DNAH9: variants seen among roughly 807,000 people sequenced by gnomAD.
DNAH9 encodes the protein DNAH9 variant protein.
A neutral mutation model predicts 471.6 loss-of-function variants in DNAH9; 345 were observed. That is an observed-to-expected ratio of 0.73 (90% CI 0.67 to 0.80). The LOEUF (loss-of-function observed/expected upper bound fraction) is 0.80. DNAH9 is among the 30% of genes least tolerant of loss of function. The probability of loss-of-function intolerance (pLI) is 0.00; values close to 1 mark genes in which losing one functional copy is unlikely to be tolerated. For missense variants in DNAH9, 5,407 were observed against 5,609.2 expected (o/e 0.96, Z 1.15); for synonymous variants, 2,093 against 2,123.6 (o/e 0.99, Z 0.40).
At chr17:11,954,848 C>T (rs907697047) in intron 67 of DNAH9, among the ~76,000 whole-genome samples, 2 of 148,174 alleles carry the variant, frequency 1.3e-5, no homozygotes, top group Admixed American at 1.3e-4. Flanking sequence ...TGGATCTAAA[C>T]AAAGAAATAA....
At chr17:11,818,853 A>G (rs1053067133) in intron 45 of DNAH9, among the ~76,000 whole-genome samples, 11 of 151,522 alleles carry the variant, frequency 7.3e-5, no homozygotes, top group African/African-American at 2.7e-4. Flanking sequence ...CCTCACAGCT[A>G]CTTTATACAT....
intron 35 of DNAH9, among the ~76,000 whole-genome samples, chr17:11,762,758 GTTTTTTTTTTTGTTT>G (rs1967736034): frequency 5.3e-5 from 5 of 94,790 alleles, no homozygotes; most frequent in African/African-American, 7.5e-5. Flanking sequence ...CTTTAGGTGC[GTTTTTTTTTTTGTTT>G]TTTTTTTTTT....
chr17:11,886,661 G>A (rs1028236256), intron 56 of DNAH9, among the ~76,000 whole-genome samples, 164 bp from the exon 57 acceptor site: 10 of 151,962 alleles, frequency 6.6e-5, no homozygotes, highest in African/African-American at 2.2e-4. Flanking sequence ...CCAAGTTCTA[G>A]GAAGGAATAC....
chr17:11,894,282 G>T, intron 58 of DNAH9, 92 bp from the exon 59 acceptor site: 1 of 1,511,800 alleles, frequency 6.6e-7, no homozygotes, highest in South Asian at 1.2e-5. Context: ...AGTATTAGAG[G>T]CAGTAATAAT....
intron 14 of DNAH9, among the ~76,000 whole-genome samples, chr17:11,654,383 A>C (rs2150706394): frequency 6.8e-6 from 1 of 146,912 alleles, no homozygotes; most frequent in Non-Finnish European, 1.5e-5. Flanking sequence ...AAAAAAGTTT[A>C]AAATCGATCT....
intron 45 of DNAH9, among the ~76,000 whole-genome samples, chr17:11,817,150 C>T (rs1336165894): frequency 6.6e-6 from 1 of 152,194 alleles, no homozygotes; most frequent in Non-Finnish European, 1.5e-5. Flanking sequence ...GTTCACATCA[C>T]AAAATCCCCT....
rs180873129 is a variant in DNAH9 at position 11,759,252 on chromosome 17, G to A, written c.6995+1560G>A. Among the ~76,000 whole-genome samples, 235 of 152,106 alleles carry A rather than the reference G, an allele frequency of 1.5e-3. 1 individual carries two copies. The highest frequency in any genetic ancestry group is 5.3e-3 in the African/African-American group (221 of 41,486). ...ATAGCATACATTGTATCCAATGGGG[G>A]TATTTCAACCCTCAACCCCCTGCCA... On this transcript the variant is annotated intron_variant, in intron 35 of 68. Transcript: ENST00000262442.
chr17:11,921,859 C>T (rs2151027744), intron 61 of DNAH9, among the ~76,000 whole-genome samples: 1 of 152,308 alleles, frequency 6.6e-6, no homozygotes, highest in East Asian at 1.9e-4. Flanking sequence ...GTGATGATCC[C>T]TCCAGTCTGG....
intron 24 of DNAH9, among the ~76,000 whole-genome samples, chr17:11,702,665 G>C (rs1341130367): frequency 6.6e-6 from 1 of 152,184 alleles, no homozygotes; most frequent in African/African-American, 2.4e-5. Context: ...GGTAGGAAAT[G>C]TCAAACACTT....
At chr17:11,833,428 G>A (rs1292639817) in intron 48 of DNAH9, among the ~76,000 whole-genome samples, 2 of 152,198 alleles carry the variant, frequency 1.3e-5, no homozygotes, top group African/African-American at 4.8e-5. Flanking sequence ...TCAAAGGCAG[G>A]CAGAAAAGTG....
intron 48 of DNAH9, among the ~76,000 whole-genome samples, chr17:11,833,612 G>C (rs571227480): frequency 2.0e-5 from 3 of 152,124 alleles, no homozygotes; most frequent in Non-Finnish European, 1.5e-5. Context: ...TGTTAATCAA[G>C]TCCTGGCCAT....
In DNAH9 at chr17:11,680,543, C is replaced by T. The variant is rs571660705; in HGVS notation, c.3577-180C>T. ...GGTAGGTAATAGTTGAGAGCAGCTG[C>T]GGAAGGAAGTCGAGGAAGAGTGGGT... On this transcript the variant is annotated intron_variant, in intron 18 of 68. Transcript: ENST00000262442. Among the ~76,000 whole-genome samples the T allele has an allele frequency of 7.9e-5, 12 of 152,094 alleles. No homozygotes were observed. In the East Asian group the frequency reaches 9.7e-4, roughly 12 times the overall value.
chr17:11,602,857 C>T (rs1249338424), intron 1 of DNAH9, among the ~76,000 whole-genome samples: 6 of 152,184 alleles, frequency 3.9e-5, no homozygotes, highest in Non-Finnish European at 8.8e-5. Flanking sequence ...CCACTACTCC[C>T]ATCTTTCCAG....
Position 11,694,699 on chromosome 17 carries a change from TTTCTCTCTCTCTCTCTCTCTC to T in DNAH9, c.4872+254_4872+274del, listed in dbSNP as rs2074410962. On this transcript the variant is annotated intron_variant, in intron 22 of 68. Coordinates refer to ENST00000262442, the MANE Select transcript of DNAH9 (RefSeq NM_001372.4). ...CTTTCTCGCTTTCTCGCTTTCTCGC[TTTCTCTCTCTCTCTCTCTCTC>T]TCTCTCTTTCTCTTTCTTTCTTTCT... Among the ~76,000 whole-genome samples the T allele has an allele frequency of 4.7e-4, 2 of 4,264 alleles. 1 individual carries two copies. The highest frequency in any genetic ancestry group is 5.9e-4 in the African/African-American group (2 of 3,374). 2.8% of individuals were successfully genotyped at this position (4,264 alleles called of 152,430 possible).
At chr17:11,858,928 T>A (rs1971721125) in intron 50 of DNAH9, among the ~76,000 whole-genome samples, 1 of 151,556 alleles carries the variant, frequency 6.6e-6, no homozygotes, top group African/African-American at 2.4e-5. Context: ...CTACTAAAAA[T>A]ACAAAATTAA....
chr17:11,690,384 A>G lies in DNAH9; in HGVS notation c.4562A>G (p.His1521Arg), dbSNP rs772342168. The change falls in exon 20 of 69, where the codon CAC becomes CGC. Residue 1521 changes from histidine (H) to arginine (R), a missense_variant. Physicochemically the swap from His to Arg is conservative, Grantham distance 29 (BLOSUM62 0). Around this residue, in one of 3 missense-constraint regions of DNAH9, gnomAD observed 4,636 missense variants for 4,900.3 expected, o/e 0.95. Coordinates refer to ENST00000262442, the MANE Select transcript of DNAH9 (RefSeq NM_001372.4). Reference sequence around the variant, plus strand: ...TTTGAAGTGCAGCGAACATGGACTCACCTGGAAAGCATATTCACTGGATCT... The same window carrying G: ...TTTGAAGTGCAGCGAACATGGACTCGCCTGGAAAGCATATTCACTGGATCT... Reference protein sequence around the residue: ...IWFEVQRTWTHLESIFTGSED... With the variant: ...IWFEVQRTWTRLESIFTGSED... The G allele has an allele frequency of 1.4e-5, 23 of 1,614,036 alleles. No homozygotes were observed. In the Middle Eastern group the frequency reaches 4.9e-4, roughly 35 times the overall value.
At chr17:11,917,698 C>T (rs559253595) in intron 61 of DNAH9, among the ~76,000 whole-genome samples, 1 of 152,184 alleles carries the variant, frequency 6.6e-6, no homozygotes, top group Non-Finnish European at 1.5e-5. Context: ...AAGATAAAAA[C>T]AAAATGTCAG....
Position 11,623,383 on chromosome 17 carries a change from C to T in DNAH9, c.1350+3602C>T, listed in dbSNP as rs1176394835. ...GTTCTCCTTCTCTATTTTCTAACTT[C>T]CCTGACCTCTTTGTTTGCCCTGAAT... On this transcript the variant is annotated intron_variant, in intron 6 of 68. Transcript: ENST00000262442. The surrounding 1 kb of genome is among the most constrained non-coding windows in gnomAD (Gnocchi z 4.1). 1.3e-5 allele frequency among the ~76,000 whole-genome samples: 2 copies of T among 152,092 alleles called. No homozygotes were observed. The highest frequency in any genetic ancestry group is 4.8e-5 in the African/African-American group (2 of 41,418).
At chr17:11,768,653 G>C (rs770624470) in intron 37 of DNAH9, 27 bp downstream of exon 37, 2 of 1,605,940 alleles carry the variant, frequency 1.2e-6, no homozygotes, top group African/African-American at 2.7e-5. Flanking sequence ...AGCCGAGGAC[G>C]TGCGTGCAGT....
Sources: gnomAD v4.1 joint callset for allele counts (sites outside exome capture counted in the v4.1 genomes callset) on GRCh38, gnomAD v4.1.1 for gene constraint, gnomAD v4.1.1 regional missense constraint, Gnocchi (gnomAD v3.1) non-coding constraint, MANE v1.5 for transcripts, NCBI Gene and HGNC (gene_info 2026-07-23, HGNC 2026-07-21) for gene names.